Variants in CDKAL1 observed in about 807,000 individuals in gnomAD.
The protein encoded by CDKAL1 is threonylcarbamoyladenosine tRNA methylthiotransferase.
Under a neutral mutation model 68.2 loss-of-function variants are expected in CDKAL1, and 32 were observed. The ratio of observed to expected loss-of-function variants is 0.47; its 90% CI spans 0.35 to 0.63. The LOEUF (loss-of-function observed/expected upper bound fraction) is 0.63, where lower values mean the gene tolerates loss of function less well. Among genes scored for constraint, CDKAL1 ranks in the 30% least tolerant of loss-of-function variants. CDKAL1 has a pLI of 0.00. For missense variants in CDKAL1, 606 were observed against 696.7 expected (o/e 0.87, Z 1.47); for synonymous variants, 234 against 244.3 (o/e 0.96, Z 0.39).
At chr6:20,905,654 C>T (rs1046580525) in intron 9 of CDKAL1, among the ~76,000 whole-genome samples, 2 of 151,814 alleles carry the variant, frequency 1.3e-5, no homozygotes, top group Non-Finnish European at 2.9e-5. Context: ...ATCAAACTGT[C>T]GAAACAAAAA....
intron 5 of CDKAL1, among the ~76,000 whole-genome samples, chr6:20,734,004 C>G (rs1441836767): frequency 6.6e-6 from 1 of 151,714 alleles, no homozygotes; most frequent in Non-Finnish European, 1.5e-5. Flanking sequence ...CAAAAATTTG[C>G]CAGGTGTGGT....
At chr6:20,847,671 C>G (rs1335927202) in intron 9 of CDKAL1, among the ~76,000 whole-genome samples, 1 of 152,152 alleles carries the variant, frequency 6.6e-6, no homozygotes, top group South Asian at 2.1e-4. Context: ...TCACCTGTAA[C>G]TTATGCTAAC....
rs559965198 is a variant in CDKAL1, at chr6:21,217,750, G to A, written c.1549-13098G>A. Among the ~76,000 whole-genome samples the A allele has an allele frequency of 3.1e-4, 47 of 152,108 alleles. No individual in the cohort carries two copies. The East Asian group carries it at 3.1e-3, about 10-fold the overall frequency. On this transcript the variant is annotated intron_variant, in intron 15 of 15. Coordinates refer to ENST00000274695, the MANE Select transcript of CDKAL1 (RefSeq NM_017774.3). Reference sequence around the variant, plus strand: ...TGACCTCAAGTGATCCACCCGCCTCGGCCTCCCAAAGTGCTGGGATTACAG... The same window carrying A: ...TGACCTCAAGTGATCCACCCGCCTCAGCCTCCCAAAGTGCTGGGATTACAG...
chr6:20,666,274 A>ATTTT (rs36034806), intron 5 of CDKAL1, among the ~76,000 whole-genome samples: 87 of 147,590 alleles, frequency 5.9e-4, no homozygotes, highest in Middle Eastern at 3.5e-3. Context: ...TGCCCACTAG[A>ATTTT]TTTTTTTTTT....
At chr6:20,588,271 T>C (rs1185096058) in intron 4 of CDKAL1, among the ~76,000 whole-genome samples, 2 of 152,196 alleles carry the variant, frequency 1.3e-5, no homozygotes, top group Non-Finnish European at 2.9e-5. Flanking sequence ...GTTCTCAATG[T>C]TGAGTGAACT....
intron 4 of CDKAL1, among the ~76,000 whole-genome samples, chr6:20,600,771 C>CATATATATATATATATATATACACATAT (rs10522824): frequency 8.1e-6 from 1 of 124,176 alleles, no homozygotes; most frequent in African/African-American, 2.9e-5. Context: ...TATATGTATA[C>CATATATATATATATATATATACACATAT]ATATATATAT....
At chr6:21,186,416 G>C (rs1335707426) in intron 13 of CDKAL1, among the ~76,000 whole-genome samples, 2 of 152,140 alleles carry the variant, frequency 1.3e-5, no homozygotes, top group Admixed American at 6.5e-5. Flanking sequence ...TGAATTTTTT[G>C]ATAATGATTA....
At chr6:21,087,187 G>A (rs1478721755) in intron 12 of CDKAL1, among the ~76,000 whole-genome samples, 1 of 152,228 alleles carries the variant, frequency 6.6e-6, no homozygotes, top group Non-Finnish European at 1.5e-5. Context: ...GATGCCAGAT[G>A]TCATTGGAAA....
intron 15 of CDKAL1, among the ~76,000 whole-genome samples, chr6:21,205,005 G>C (rs146431996): frequency 6.6e-6 from 1 of 152,222 alleles, no homozygotes; most frequent in African/African-American, 2.4e-5. Context: ...CTATGAATTT[G>C]ATTACTTTTG....
At chr6:20,913,670 T>G (rs926637562) in intron 9 of CDKAL1, among the ~76,000 whole-genome samples, 8 of 152,142 alleles carry the variant, frequency 5.3e-5, no homozygotes, top group African/African-American at 1.9e-4. Context: ...TCCATCTTCT[T>G]CCAGGAGGTC....
At chr6:20,827,156 A>G (rs531880632) in intron 8 of CDKAL1, among the ~76,000 whole-genome samples, 11 of 152,310 alleles carry the variant, frequency 7.2e-5, no homozygotes, top group African/African-American at 2.4e-4. Flanking sequence ...GTAATGGTTA[A>G]GAGCATAGAT....
intron 9 of CDKAL1, among the ~76,000 whole-genome samples, chr6:20,853,041 G>A (rs1372799572): frequency 6.6e-6 from 1 of 152,174 alleles, no homozygotes; most frequent in East Asian, 1.9e-4. Context: ...CATGAAAGCA[G>A]CCACAGAAAA....
chr6:21,028,096 G>A (rs1769060572), intron 11 of CDKAL1, among the ~76,000 whole-genome samples: 2 of 152,132 alleles, frequency 1.3e-5, no homozygotes, highest in African/African-American at 2.4e-5. Flanking sequence ...GGTGTATTAG[G>A]GTCATCTGGG....
intron 9 of CDKAL1, among the ~76,000 whole-genome samples, chr6:20,897,488 A>G (rs1223347212): frequency 6.6e-6 from 1 of 152,144 alleles, no homozygotes; most frequent in African/African-American, 2.4e-5. Flanking sequence ...TTGGGAATCT[A>G]GTGGGCAGCC....
chr6:20,856,921 C>T (rs767183369), intron 9 of CDKAL1, among the ~76,000 whole-genome samples: 23 of 152,168 alleles, frequency 1.5e-4, no homozygotes, highest in Non-Finnish European at 2.4e-4. Context: ...GCAGAGTCTG[C>T]AGTTTTCTAA....
intron 12 of CDKAL1, among the ~76,000 whole-genome samples, chr6:21,101,334 G>A (rs1309107578): frequency 6.6e-6 from 1 of 152,124 alleles, no homozygotes; most frequent in East Asian, 1.9e-4. Flanking sequence ...GGCCCCAGAA[G>A]ACCAATTAAG....
chr6:20,562,882 A>G (rs770852718), intron 4 of CDKAL1, among the ~76,000 whole-genome samples: 1 of 152,198 alleles, frequency 6.6e-6, no homozygotes, highest in Non-Finnish European at 1.5e-5. Context: ...GGTAAGGCCT[A>G]ATGGGTGAAG....
chr6:21,100,566 C>A (rs1189276197), intron 12 of CDKAL1, among the ~76,000 whole-genome samples: 1 of 152,142 alleles, frequency 6.6e-6, no homozygotes, highest in Non-Finnish European at 1.5e-5. Flanking sequence ...CCACAGCCTT[C>A]TTTTTCTTTG....
chr6:20,570,254 A>C (rs1199239323), intron 4 of CDKAL1, among the ~76,000 whole-genome samples: 12 of 138,714 alleles, frequency 8.7e-5, no homozygotes, highest in East Asian at 4.4e-4. Flanking sequence ...CAGGCGTATG[A>C]CACCACGCCC....
Sources: gnomAD v4.1 joint callset for allele counts (sites outside exome capture counted in the v4.1 genomes callset) on GRCh38, gnomAD v4.1.1 for gene constraint, MANE v1.5 for transcripts, NCBI Gene and HGNC (gene_info 2026-07-23, HGNC 2026-07-21) for gene names.